SIRT5: variants seen among roughly 807,000 people sequenced by gnomAD.
The protein encoded by SIRT5 is sirtuin 5.
In SIRT5, 26 loss-of-function variants were observed where a neutral mutation model predicts 40.0. The ratio of observed to expected loss-of-function variants is 0.65; its 90% confidence interval spans 0.48 to 0.90. The LOEUF (loss-of-function observed/expected upper bound fraction) is 0.90. Among genes scored for constraint, SIRT5 ranks in the 40% least tolerant of loss-of-function variants. SIRT5 has a pLI of 0.00. For missense variants in SIRT5, 401 were observed against 402.4 expected, an observed-to-expected ratio of 1.00 and a Z score of 0.03; for synonymous variants, 146 against 149.1, an observed-to-expected ratio of 0.98 and a Z score of 0.15.
intron 4 of SIRT5, among the ~76,000 whole-genome samples, chr6:13,590,553 T>TTG (rs1002878422): frequency 1.9e-4 from 21 of 109,582 alleles, no homozygotes; most frequent in African/African-American, 6.2e-4. Flanking sequence ...GTAGATGTAA[T>TTG]TGTGTGTATG....
At chr6:13,609,197 A>G (rs1042904216) in intron 9 of SIRT5, among the ~76,000 whole-genome samples, 8 of 152,176 alleles carry the variant, frequency 5.3e-5, no homozygotes, top group African/African-American at 1.2e-4. Flanking sequence ...AGTGTTACCT[A>G]TTGTTGGAAG....
chr6:13,575,648 A>C (rs950307829), intron 1 of SIRT5, among the ~76,000 whole-genome samples: 3 of 152,194 alleles, frequency 2.0e-5, no homozygotes, highest in Non-Finnish European at 4.4e-5. Flanking sequence ...TGACATATCC[A>C]TCACCTCACC....
chr6:13,591,941 C>T (rs185476067), intron 5 of SIRT5, 47 bp downstream of exon 5: 1 of 1,543,594 alleles, frequency 6.5e-7, no homozygotes, highest in East Asian at 2.3e-5. Context: ...TTTAAAACAC[C>T]TGTCCTGCTG....
chr6:13,579,493 G>A lies in SIRT5; in HGVS notation c.-152G>A, dbSNP rs1443223329. The A allele has an allele frequency of 6.6e-6, 1 of 152,136 alleles. No individual in the cohort carries two copies. Among genetic ancestry groups the A allele is most frequent in the Non-Finnish European group, 1.5e-5 (1 of 68,022 alleles). The allele number at this position is 152,136 out of a possible 1,614,324, so 9.4% of individuals were successfully genotyped here. On this transcript the variant is annotated 5_prime_UTR_variant, in exon 2 of 10. Transcript: ENST00000606117. ...TAACATATAAAAACCTACAGAAGAA[G>A]AAAATAATTTTCTGGATCAAATTAG...
At chr6:13,592,850 T>C (rs1278497293) in intron 5 of SIRT5, among the ~76,000 whole-genome samples, 1 of 151,066 alleles carries the variant, frequency 6.6e-6, no homozygotes, top group Non-Finnish European at 1.5e-5. Flanking sequence ...AGAGTCTGCA[T>C]TCAAATCCAA....
In SIRT5 at chr6:13,596,444, GC is replaced by G. The variant is rs1201903412; in HGVS notation, c.564-516del. Reference sequence around the variant, plus strand: ...CCCCTTGGCACACCCAGCCACTCCAGCCCTCCCCACACATGCATTCCCTCAC... The same window carrying G: ...CCCCTTGGCACACCCAGCCACTCCAGCCTCCCCACACATGCATTCCCTCAC... On this transcript the variant is annotated intron_variant, in intron 6 of 9. Transcript: ENST00000606117. Among the ~76,000 whole-genome samples the G allele has an allele frequency of 5.3e-5, 8 of 152,030 alleles. No individual in the cohort carries two copies. The East Asian group carries it at 1.2e-3, about 22-fold the overall frequency.
chr6:13,583,189 G>A (rs1759580801), intron 2 of SIRT5, among the ~76,000 whole-genome samples: 1 of 151,836 alleles, frequency 6.6e-6, no homozygotes, highest in South Asian at 2.1e-4. Flanking sequence ...CTGGGTGACA[G>A]AGTGAGACCC....
chr6:13,607,781 T>C lies in SIRT5; in HGVS notation c.858-4009T>C, dbSNP rs1460889401. 1.3e-5 allele frequency among the ~76,000 whole-genome samples: 2 copies of C among 152,154 alleles called. No individual in the cohort carries two copies. Among genetic ancestry groups the C allele is most frequent in the East Asian group, 3.8e-4 (2 of 5,198 alleles). On this transcript the variant is annotated intron_variant, in intron 9 of 9. Transcript: ENST00000606117. This position sits in a 1 kb window ranked among gnomAD's most constrained non-coding sequence, Gnocchi z 4.0. Reference sequence around the variant, plus strand: ...TTATTTATTGATGTTTGAGACAGAGTCTGGCTCTGTTGCCCAGGCTGGACT... The same window carrying C: ...TTATTTATTGATGTTTGAGACAGAGCCTGGCTCTGTTGCCCAGGCTGGACT...
chr6:13,588,470 TAA>T lies in SIRT5; in HGVS notation c.249+8_249+9del. ...GGAGAAAATGGCAAGCCCAGGTTTGTAAAGTTTCCAGAACATTAAAAGCCTCT... is the reference window on the plus strand; with the variant it reads ...GGAGAAAATGGCAAGCCCAGGTTTGTAGTTTCCAGAACATTAAAAGCCTCT... On this transcript the variant is annotated splice_region_variant and intron_variant, in intron 4 of 9. Transcript: ENST00000606117. The T allele has an allele frequency of 6.2e-7, 1 of 1,612,608 alleles. No homozygotes were observed. The highest frequency in any genetic ancestry group is 8.5e-7 in the Non-Finnish European group (1 of 1,179,440).
chr6:13,595,592 A>G lies in SIRT5; in HGVS notation c.563+28A>G, dbSNP rs755482895. ...AATTATACCACACTACAGAATAAGT[A>G]TAGGTTGTTTTCTCCTTTAGGTTGA... On this transcript the variant is annotated intron_variant, in intron 6 of 9. Transcript: ENST00000606117. The G allele has an allele frequency of 7.9e-6, 12 of 1,519,854 alleles. No homozygotes were observed. The Admixed American group carries it at 1.0e-4, about 13-fold the overall frequency. 94.1% of individuals were successfully genotyped at this position (1,519,854 alleles called of 1,614,324 possible).
In SIRT5 at chr6:13,611,822, T is replaced by G. The variant is rs924887923; in HGVS notation, c.890T>G (p.Leu297Arg). Residue 297 changes from leucine to arginine, a missense_variant, in exon 10 of 10, where the codon CTT becomes CGT. By Grantham distance (102) the Leu-to-Arg change is moderately radical. Coordinates refer to ENST00000606117, the MANE Select transcript of SIRT5 (RefSeq NM_012241.5). ...FHFQGPCGTT[L>R]PEALACHENE... is the part of the protein sequence containing the mutation. ...TTCCAGGGACCCTGTGGAACGACTC[T>G]TCCTGAAGCCCTTGCCTGTCATGAA... 2.5e-6 allele frequency: 4 copies of G among 1,613,918 alleles called. No homozygotes were observed. The highest frequency in any genetic ancestry group is 3.4e-6 in the Non-Finnish European group (4 of 1,179,916).
chr6:13,582,100 G>A (rs1462300506), intron 2 of SIRT5, among the ~76,000 whole-genome samples: 7 of 152,138 alleles, frequency 4.6e-5, no homozygotes, highest in East Asian at 1.9e-4. Flanking sequence ...TCTTCATGGC[G>A]TGTTCTATCT....
intron 9 of SIRT5, among the ~76,000 whole-genome samples, chr6:13,610,592 G>C (rs1763705912): frequency 6.6e-6 from 1 of 152,206 alleles, no homozygotes; most frequent in African/African-American, 2.4e-5. Flanking sequence ...TTGTAAGGCG[G>C]AAGAAGGCTG....
chr6:13,605,227 A>G, intron 9 of SIRT5: 1 of 936,994 alleles, frequency 1.1e-6, no homozygotes, highest in South Asian at 4.9e-5. Flanking sequence ...GTATCTGTAA[A>G]TAAGGTTTCA....
chr6:13,605,661 C>T (rs1763009956), intron 9 of SIRT5: 8 of 985,436 alleles, frequency 8.1e-6, no homozygotes, highest in Non-Finnish European at 9.6e-6. Context: ...GTCGTTTTCC[C>T]CATGTCCGAT....
rs774041199 is a variant in SIRT5, at chr6:13,611,827, G to A, written c.895G>A (p.Glu299Lys). The A allele has an allele frequency of 1.2e-5, 19 of 1,613,896 alleles. No homozygotes were observed. The highest frequency in any genetic ancestry group is 1.6e-5 in the Non-Finnish European group (19 of 1,179,922). The change falls in exon 10 of 10, where the codon GAA becomes AAA. Residue 299 changes from glutamate to lysine, a missense_variant. Glu to Lys is a moderately conservative substitution (Grantham distance 56, BLOSUM62 1). Coordinates refer to ENST00000606117, the MANE Select transcript of SIRT5 (RefSeq NM_012241.5). ...GGGACCCTGTGGAACGACTCTTCCT[G>A]AAGCCCTTGCCTGTCATGAAAATGA... is the stretch of plus-strand genomic sequence containing the variant. ...FQGPCGTTLP[E>K]ALACHENETV...
chr6:13,606,649 A>G (rs1483137845), intron 9 of SIRT5, among the ~76,000 whole-genome samples: 1 of 152,186 alleles, frequency 6.6e-6, no homozygotes, highest in Non-Finnish European at 1.5e-5. Flanking sequence ...GATATAAAGC[A>G]TAAATCTACC....
chr6:13,615,153 G>T lies in SIRT5; in HGVS notation c.*3288G>T. ...TTCGCCGGCAGAGCATTTTCCGTGGGGTCCATCCGGCTCCAAGGCGGCCTG... is the reference window on the plus strand; with the variant it reads ...TTCGCCGGCAGAGCATTTTCCGTGGTGTCCATCCGGCTCCAAGGCGGCCTG... On this transcript the variant is annotated 3_prime_UTR_variant, in exon 10 of 10. Transcript: ENST00000606117. The T allele has an allele frequency of 1.9e-6, 1 of 536,684 alleles. No homozygotes were observed. The highest frequency in any genetic ancestry group is 3.1e-6 in the Non-Finnish European group (1 of 317,896). 33.2% of individuals were successfully genotyped at this position (536,684 alleles called of 1,614,324 possible). A position where few individuals can be genotyped will look rare whatever the true frequency, so the allele number is the denominator to read the frequency against.
intron 3 of SIRT5, 116 bp downstream of exon 3, chr6:13,584,341 C>T: frequency 1.3e-6 from 1 of 758,900 alleles, no homozygotes. Context: ...TTGGAGAAAG[C>T]CACTCTGTCA....
Sources: gnomAD v4.1 joint callset for allele counts (sites outside exome capture counted in the v4.1 genomes callset) on GRCh38, gnomAD v4.1.1 for gene constraint, Gnocchi (gnomAD v3.1) non-coding constraint, MANE v1.5 for transcripts, NCBI Gene and HGNC (gene_info 2026-07-23, HGNC 2026-07-21) for gene names.